Variants in SPIRE1 observed in about 807,000 individuals in gnomAD.
SPIRE1 encodes the protein protein spire homolog 1.
Under a neutral mutation model 94.1 loss-of-function variants are expected in SPIRE1, and 40 were observed. The observed-to-expected ratio is 0.43, with a 90% CI of 0.33 to 0.55. The LOEUF is 0.55. SPIRE1 is among the 20% of genes least tolerant of loss of function. The pLI, the probability that SPIRE1 is intolerant of heterozygous loss-of-function variation, is 0.06. For synonymous variants in SPIRE1, 376 were observed against 371.7 expected, an observed-to-expected ratio of 1.01 and a Z score of -0.13; for missense variants, 838 against 975.2, an observed-to-expected ratio of 0.86 and a Z score of 1.87.
At chr18:12,479,311 A>G (rs1330933619) in intron 10 of SPIRE1, among the ~76,000 whole-genome samples, 1 of 151,584 alleles carries the variant, frequency 6.6e-6, no homozygotes, top group Non-Finnish European at 1.5e-5. Flanking sequence ...ACTAGCTGGG[A>G]CCAGAGGTAT....
intron 2 of SPIRE1, among the ~76,000 whole-genome samples, chr18:12,585,999 G>A (rs2036383480): frequency 6.6e-6 from 1 of 152,168 alleles, no homozygotes; most frequent in Non-Finnish European, 1.5e-5. Flanking sequence ...CACCCAGGCT[G>A]GAGTGCAGTG....
At chr18:12,483,187 T>C (rs1254793971) in intron 9 of SPIRE1, among the ~76,000 whole-genome samples, 1 of 152,170 alleles carries the variant, frequency 6.6e-6, no homozygotes, top group Non-Finnish European at 1.5e-5. Context: ...TTTAAACTCC[T>C]GGGCTTAAGC....
At chr18:12,462,974 C>T (rs1339823121) in intron 12 of SPIRE1, among the ~76,000 whole-genome samples, 1 of 152,162 alleles carries the variant, frequency 6.6e-6, no homozygotes, top group East Asian at 1.9e-4. Flanking sequence ...TAGCTCACTG[C>T]AGCCTTAACC....
At position 12,588,387 on chromosome 18, in the gene SPIRE1, G is replaced by A. The variant is rs201631534; in HGVS notation, c.373-41483C>T. On this transcript the variant is annotated intron_variant, in intron 2 of 16. Transcript: ENST00000409402. Reference sequence around the variant, plus strand: ...AAAGTACTACTTACAGTTAATAGTGGCTTTCATATGTTATTTACTGCTATT... The same window carrying A: ...AAAGTACTACTTACAGTTAATAGTGACTTTCATATGTTATTTACTGCTATT... 7 of 152,146 alleles carry A rather than the reference G, an allele frequency of 4.6e-5. No homozygotes were observed. In the East Asian group the frequency reaches 1.4e-3, roughly 29 times the overall value. The allele number at this position is 152,146 out of a possible 1,614,324, so 9.4% of individuals were successfully genotyped here.
intron 2 of SPIRE1, among the ~76,000 whole-genome samples, chr18:12,589,651 A>G (rs2036476983): frequency 6.6e-6 from 1 of 152,178 alleles, no homozygotes. Context: ...TGCCAAGCTG[A>G]AAAAACAAAC....
In SPIRE1 at chr18:12,657,627, G is replaced by C. The variant is rs753247959; in HGVS notation, c.240C>G (p.His80Gln). 3.0e-6 allele frequency: 4 copies of C among 1,313,340 alleles called. No homozygotes were observed. In the East Asian group the frequency reaches 9.5e-5, roughly 31 times the overall value. The allele number at this position is 1,313,340 out of a possible 1,614,324, so 81.4% of individuals were successfully genotyped here. A position where few individuals can be genotyped will look rare whatever the true frequency, so the allele number is the denominator to read the frequency against. Reference protein sequence around the residue: ...RAAARRRQPRHRVRSAAQIRV... With the variant: ...RAAARRRQPRQRVRSAAQIRV... ...GGATCTGCGCGGCCGAGCGCACACGGTGGCGGGGCTGGCGGCGGCGGGCGG... is the reference window on the plus strand; with the variant it reads ...GGATCTGCGCGGCCGAGCGCACACGCTGGCGGGGCTGGCGGCGGCGGGCGG... Residue 80 changes from histidine to glutamine, a missense_variant, in exon 1 of 17, where the codon CAC becomes CAG. Around this residue, in one of 2 missense-constraint regions of SPIRE1, gnomAD observed 193 missense variants for 170.5 expected, o/e 1.13. Transcript: ENST00000409402.
intron 1 of SPIRE1, among the ~76,000 whole-genome samples, chr18:12,646,801 T>C (rs1372900690): frequency 6.6e-6 from 1 of 151,998 alleles, no homozygotes; most frequent in African/African-American, 2.4e-5. Flanking sequence ...TCCCAGCACT[T>C]TGGGAGACGG....
intron 2 of SPIRE1, among the ~76,000 whole-genome samples, chr18:12,626,227 A>G (rs1686004120): frequency 6.6e-6 from 1 of 152,168 alleles, no homozygotes; most frequent in African/African-American, 2.4e-5. Flanking sequence ...ATGCTCAGAA[A>G]ACATTAAAAA....
chr18:12,584,660 T>C (rs560126250), intron 2 of SPIRE1, among the ~76,000 whole-genome samples: 1 of 152,244 alleles, frequency 6.6e-6, no homozygotes, highest in East Asian at 1.9e-4. Flanking sequence ...CCAGGCATAG[T>C]GGCATGCACT....
At chr18:12,624,542 CAA>C (rs549240260) in intron 2 of SPIRE1, among the ~76,000 whole-genome samples, 15 of 75,568 alleles carry the variant, frequency 2.0e-4, no homozygotes, top group Admixed American at 4.4e-4. Flanking sequence ...GACACTGACT[CAA>C]AAAAAAAAAA....
intron 2 of SPIRE1, among the ~76,000 whole-genome samples, chr18:12,549,221 C>T (rs1325795285): frequency 1.3e-5 from 2 of 152,178 alleles, no homozygotes; most frequent in African/African-American, 2.4e-5. Flanking sequence ...GTCACTTTAA[C>T]TATCAGAGCG....
At chr18:12,597,160 ACACACACACACACACAC>A (rs2036697877) in intron 2 of SPIRE1, among the ~76,000 whole-genome samples, 1 of 9,372 alleles carries the variant, frequency 1.1e-4, no homozygotes. Flanking sequence ...CTCTTTCTAC[ACACACACACACACACAC>A]ACACACACAC....
At chr18:12,647,445 A>G (rs2038256691) in intron 1 of SPIRE1, among the ~76,000 whole-genome samples, 1 of 152,076 alleles carries the variant, frequency 6.6e-6, no homozygotes, top group African/African-American at 2.4e-5. Flanking sequence ...ACTCTTTAAC[A>G]TTTCTTCTTC....
At chr18:12,636,090 G>A (rs540744503) in intron 1 of SPIRE1, among the ~76,000 whole-genome samples, 47 of 151,788 alleles carry the variant, frequency 3.1e-4, no homozygotes, top group African/African-American at 1.0e-3. Context: ...ATGGGGTTTT[G>A]CCATGTTGGC....
chr18:12,526,056 T>TACACACAC (rs56263373), intron 4 of SPIRE1, among the ~76,000 whole-genome samples: 2,841 of 122,648 alleles, frequency 0.023, 156 homozygotes, highest in African/African-American at 0.083. Context: ...ATACTGAAGA[T>TACACACAC]ACACACACAC....
At chr18:12,641,830 T>C (rs1192809819) in intron 1 of SPIRE1, among the ~76,000 whole-genome samples, 2 of 148,564 alleles carry the variant, frequency 1.3e-5, no homozygotes, top group African/African-American at 2.5e-5. Flanking sequence ...AAGAATGTTA[T>C]GCTTTTTTTT....
chr18:12,603,718 G>C (rs930038374), intron 2 of SPIRE1, among the ~76,000 whole-genome samples: 1 of 151,978 alleles, frequency 6.6e-6, no homozygotes, highest in African/African-American at 2.4e-5. Context: ...GGGACTACAG[G>C]TGCCCGACAC....
chr18:12,625,170 A>G (rs1292864092), intron 2 of SPIRE1, among the ~76,000 whole-genome samples: 1 of 152,190 alleles, frequency 6.6e-6, no homozygotes, highest in Non-Finnish European at 1.5e-5. Flanking sequence ...ATCACACTAC[A>G]ATGATCCCTC....
chr18:12,450,885 AGCT>A, intron 16 of SPIRE1: 2 of 719,280 alleles, frequency 2.8e-6, no homozygotes, highest in Non-Finnish European at 5.0e-6. Flanking sequence ...AAGGCGGCAA[AGCT>A]GAAGGAAAAG....
Sources: gnomAD v4.1 joint callset for allele counts (sites outside exome capture counted in the v4.1 genomes callset) on GRCh38, gnomAD v4.1.1 for gene constraint, gnomAD v4.1.1 regional missense constraint, MANE v1.5 for transcripts, NCBI Gene and HGNC (gene_info 2026-07-23, HGNC 2026-07-21) for gene names.